PKHD1: variants seen among roughly 807,000 people sequenced by gnomAD.
The protein encoded by PKHD1 is fibrocystin.
PKHD1 carries 291 observed loss-of-function variants against 412.0 expected under a neutral mutation model. The observed-to-expected ratio is 0.71, with a 90% CI of 0.64 to 0.78. The LOEUF (loss-of-function observed/expected upper bound fraction) is 0.78, where lower values mean the gene tolerates loss of function less well. PKHD1 is among the 30% of genes least tolerant of loss of function. PKHD1 has a pLI of 0.00. For synonymous variants in PKHD1, 1,777 were observed against 1,821.5 expected, an observed-to-expected ratio of 0.98 and a Z score of 0.62; for missense variants, 4,825 against 4,950.7, an observed-to-expected ratio of 0.97 and a Z score of 0.76.
chr6:52,053,520 T>C (rs1807210458), intron 20 of PKHD1, among the ~76,000 whole-genome samples: 1 of 152,250 alleles, frequency 6.6e-6, no homozygotes, highest in Admixed American at 6.5e-5. Context: ...ATTTTCAAAT[T>C]ACAGTTTAAC....
chr6:51,850,782 C>T (rs184076025), intron 49 of PKHD1, among the ~76,000 whole-genome samples: 123 of 152,058 alleles, frequency 8.1e-4, no homozygotes, highest in Middle Eastern at 6.8e-3. Context: ...CTTATCAGTT[C>T]AAGAAATTTT....
chr6:51,631,661 G>GA (rs1767931908), intron 65 of PKHD1, among the ~76,000 whole-genome samples: 1 of 152,000 alleles, frequency 6.6e-6, no homozygotes, highest in Non-Finnish European at 1.5e-5. Context: ...AGGGTTGGGG[G>GA]AATGGGTGGA....
chr6:51,753,260 G>A lies in PKHD1; in HGVS notation c.8891C>T (p.Ser2964Leu). The A allele has an allele frequency of 6.2e-7, 1 of 1,613,600 alleles. No homozygotes were observed. The change falls in exon 57 of 67, where the codon TCA becomes TTA. Residue 2964 changes from serine (S) to leucine (L), a missense_variant. Ser to Leu is a moderately radical substitution (Grantham distance 145). Transcript: ENST00000371117. ...TRNIQIQPDVSCRGRLFVGSF... is the reference protein window; with the variant it reads ...TRNIQIQPDVLCRGRLFVGSF... ...CCCCACAAACAGTCTCCCCCTACAT[G>A]ATACGTCAGGCTGAATTTGTATATT...
In PKHD1 at chr6:52,053,220, T is replaced by C. The variant is rs1807157639; in HGVS notation, c.1996A>G (p.Thr666Ala). 1.9e-6 allele frequency: 3 copies of C among 1,614,142 alleles called. No individual in the cohort carries two copies. The highest frequency in any genetic ancestry group is 1.1e-5 in the South Asian group (1 of 91,070). The change falls in exon 21 of 67, where the codon ACT (threonine) becomes GCT (alanine). Residue 666 changes from threonine (T) to alanine (A), a missense_variant. Thr to Ala is a moderately conservative substitution (Grantham distance 58, BLOSUM62 0). Coordinates refer to ENST00000371117, the MANE Select transcript of PKHD1 (RefSeq NM_138694.4). The part of the protein sequence containing the change: ...WQFDCTDLWE[T>A]CVRCFGDLQP... ...AGATCCCCGAAGCAACGCACACAAGTCTCCCAGAGGTCAGTGCAATCGAAC... is the reference window on the plus strand; with the variant it reads ...AGATCCCCGAAGCAACGCACACAAGCCTCCCAGAGGTCAGTGCAATCGAAC...
At chr6:51,858,775 A>G (rs549369281) in intron 48 of PKHD1, among the ~76,000 whole-genome samples, 1 of 152,360 alleles carries the variant, frequency 6.6e-6, no homozygotes, top group South Asian at 2.1e-4. Flanking sequence ...CAAGTGTTAT[A>G]TGCATCAGAA....
intron 37 of PKHD1, among the ~76,000 whole-genome samples, chr6:51,925,481 A>G (rs375435127): frequency 3.2e-5 from 4 of 125,660 alleles, no homozygotes; most frequent in Non-Finnish European, 5.4e-5. Context: ...GTGTGTGTGT[A>G]GGTATTTCTA....
At chr6:51,708,339 C>T (rs2150744333) in intron 60 of PKHD1, among the ~76,000 whole-genome samples, 1 of 152,300 alleles carries the variant, frequency 6.6e-6, no homozygotes, top group Middle Eastern at 3.4e-3. Context: ...TCATCATTTG[C>T]TGCCTCATTA....
At chr6:52,019,848 C>A (rs180992733) in intron 33 of PKHD1, among the ~76,000 whole-genome samples, 1 of 152,302 alleles carries the variant, frequency 6.6e-6, no homozygotes, top group African/African-American at 2.4e-5. Context: ...AAGGAAATTT[C>A]TCCTATGGTT....
chr6:52,035,785 T>A (rs1163220248), intron 27 of PKHD1, 64 bp from the exon 28 acceptor site: 1 of 1,446,874 alleles, frequency 6.9e-7, no homozygotes, highest in African/African-American at 1.4e-5. Context: ...AAATTAATTA[T>A]GCACAAGATG....
At chr6:51,813,854 T>C (rs758511754) in intron 52 of PKHD1, among the ~76,000 whole-genome samples, 6 of 152,160 alleles carry the variant, frequency 3.9e-5, no homozygotes, top group Non-Finnish European at 7.4e-5. Context: ...CTATATTTTC[T>C]AAGAACAAAC....
chr6:51,798,662 T>C (rs978011014), intron 52 of PKHD1, among the ~76,000 whole-genome samples: 2 of 152,160 alleles, frequency 1.3e-5, no homozygotes, highest in Non-Finnish European at 2.9e-5. Context: ...AATTTGAATG[T>C]TGGCTTGCAT....
At position 51,870,575 on chromosome 6, in the gene PKHD1, G is replaced by A; in HGVS notation, c.7415C>T (p.Thr2472Ile). 5 of 1,606,702 alleles carry A rather than the reference G, an allele frequency of 3.1e-6. No homozygotes were observed. The South Asian group carries it at 4.4e-5, about 14-fold the overall frequency. Residue 2472 changes from threonine to isoleucine, a missense_variant, in exon 47 of 67, where the codon ACA becomes ATA. By Grantham distance (89) the Thr-to-Ile change is moderately conservative. Coordinates refer to ENST00000371117, the MANE Select transcript of PKHD1 (RefSeq NM_138694.4). ...GATGAGATCAAAATTAACAAAGGTT[G>A]TGTTAGACACCATCAGTTCCCATCT... ...PKRWELMVSN[T>I]TFVNFDLINC...
chr6:51,784,249 GC>G (rs1198831546), intron 53 of PKHD1, among the ~76,000 whole-genome samples: 1 of 127,756 alleles, frequency 7.8e-6, no homozygotes, highest in East Asian at 2.7e-4. Flanking sequence ...ATAGGTTGGT[GC>G]AAAAGTAATT....
chr6:51,633,541 A>G (rs1424526706), intron 64 of PKHD1, among the ~76,000 whole-genome samples: 3 of 152,164 alleles, frequency 2.0e-5, no homozygotes, highest in Non-Finnish European at 2.9e-5. Flanking sequence ...AAAAAGAAAG[A>G]AAGGAAAGAA....
intron 15 of PKHD1, among the ~76,000 whole-genome samples, 170 bp from the exon 16 acceptor site, chr6:52,058,771 C>CCCTA (rs1491323277): frequency 6.7e-6 from 1 of 149,302 alleles, no homozygotes; most frequent in Non-Finnish European, 1.5e-5. Context: ...TTCTCCAGCT[C>CCCTA]TCTATCTATC....
chr6:51,995,832 C>T (rs1232170349), intron 35 of PKHD1, among the ~76,000 whole-genome samples: 1 of 152,132 alleles, frequency 6.6e-6, no homozygotes, highest in African/African-American at 2.4e-5. Flanking sequence ...AAGGGATGGA[C>T]TAGTTCTAAC....
intron 65 of PKHD1, among the ~76,000 whole-genome samples, chr6:51,632,232 C>T (rs1341668013): frequency 6.6e-6 from 1 of 152,120 alleles, no homozygotes; most frequent in African/African-American, 2.4e-5. Context: ...GATTCTTTAA[C>T]TCACTTTTTG....
At chr6:51,638,662 T>C (rs1367735483) in intron 64 of PKHD1, among the ~76,000 whole-genome samples, 187 bp downstream of exon 64, 1 of 152,156 alleles carries the variant, frequency 6.6e-6, no homozygotes, top group Non-Finnish European at 1.5e-5. Flanking sequence ...AGGAGTAACC[T>C]GAGGTTTCCA....
Position 51,959,933 on chromosome 6 carries a change from C to T in PKHD1, c.5845G>A (p.Glu1949Lys). The T allele has an allele frequency of 1.2e-6, 2 of 1,613,520 alleles. No individual in the cohort carries two copies. Among genetic ancestry groups the T allele is most frequent in the Non-Finnish European group, 1.7e-6 (2 of 1,179,586 alleles). ...LPQDGDNVTV[E>K]NGQLLLLDTN... ...TCCAGCAGAAGCAATTGGCCATTCT[C>T]CACTGTGACGTTGTCGCCATCTTGT... The change falls in exon 36 of 67, where the codon GAG becomes AAG. Residue 1949 changes from glutamate to lysine, a missense_variant. Glu to Lys is a moderately conservative substitution (Grantham distance 56). Coordinates refer to ENST00000371117, the MANE Select transcript of PKHD1 (RefSeq NM_138694.4).
Sources: gnomAD v4.1 joint callset for allele counts (sites outside exome capture counted in the v4.1 genomes callset) on GRCh38, gnomAD v4.1.1 for gene constraint, MANE v1.5 for transcripts, NCBI Gene and HGNC (gene_info 2026-07-23, HGNC 2026-07-21) for gene names.